PACRG: variants seen among roughly 807,000 people sequenced by gnomAD.
PACRG encodes the protein parkin coregulated.
A neutral mutation model predicts 29.7 loss-of-function variants in PACRG; 29 were observed. The ratio of observed to expected loss-of-function variants is 0.98; its 90% CI spans 0.73 to 1.33. The LOEUF is 1.33. Ranked by LOEUF, PACRG falls within the 40% of genes most tolerant of loss-of-function variation. The probability of loss-of-function intolerance (pLI) is 0.00; values close to 1 mark genes in which losing one functional copy is unlikely to be tolerated. For synonymous variants in PACRG, 116 were observed against 118.7 expected, an observed-to-expected ratio of 0.98 and a Z score of 0.15; for missense variants, 279 against 316.2, an observed-to-expected ratio of 0.88 and a Z score of 0.89.
intron 4 of PACRG, among the ~76,000 whole-genome samples, chr6:163,227,601 C>G (rs556903449): frequency 2.0e-5 from 3 of 152,308 alleles, no homozygotes; most frequent in Admixed American, 2.0e-4. Context: ...GCCTACCCAT[C>G]GTTACAGGAC....
intron 2 of PACRG, among the ~76,000 whole-genome samples, chr6:162,954,363 T>G (rs1331001189): frequency 1.3e-5 from 2 of 152,044 alleles, no homozygotes; most frequent in East Asian, 3.9e-4. Context: ...ACATGGGTAA[T>G]GTATATAAGT....
intron 2 of PACRG, among the ~76,000 whole-genome samples, chr6:163,041,596 T>C (rs1430294690): frequency 6.6e-6 from 1 of 152,128 alleles, no homozygotes; most frequent in Non-Finnish European, 1.5e-5. Flanking sequence ...GAACTGTGAG[T>C]CAGTTAAATC....
intron 4 of PACRG, among the ~76,000 whole-genome samples, chr6:163,186,761 C>A (rs1041669201): frequency 1.3e-5 from 2 of 152,226 alleles, no homozygotes; most frequent in African/African-American, 4.8e-5. Flanking sequence ...TGATGTCATT[C>A]AACCCAGCAT....
chr6:163,253,760 G>GT (rs1308319892), intron 4 of PACRG, among the ~76,000 whole-genome samples: 2 of 152,206 alleles, frequency 1.3e-5, no homozygotes, highest in Non-Finnish European at 2.9e-5. Context: ...CCCTCACCAG[G>GT]TGCCTCCTTG....
chr6:162,727,715 C>T (rs1303413863), upstream of PACRG: 6 of 1,551,660 alleles, frequency 3.9e-6, no homozygotes, highest in East Asian at 9.8e-5. Flanking sequence ...GGCCCATGCG[C>T]GCAGCGGCGC....
At chr6:162,828,028 C>A (rs1029659719) in intron 2 of PACRG, among the ~76,000 whole-genome samples, 1 of 152,014 alleles carries the variant, frequency 6.6e-6, no homozygotes, top group African/African-American at 2.4e-5. Context: ...TGCCTTAGCC[C>A]CTGATACAAC....
intron 4 of PACRG, among the ~76,000 whole-genome samples, chr6:163,224,777 T>TTTG (rs199733214): frequency 5.9e-5 from 9 of 151,494 alleles, no homozygotes; most frequent in South Asian, 2.1e-4. Flanking sequence ...CCTAGGTAGT[T>TTTG]TTGTTGTTGT....
chr6:163,115,312 T>C (rs1815927103), intron 4 of PACRG, among the ~76,000 whole-genome samples: 1 of 152,116 alleles, frequency 6.6e-6, no homozygotes, highest in Non-Finnish European at 1.5e-5. Context: ...GGGAAGGCTT[T>C]CTAGGGGACC....
intron 4 of PACRG, among the ~76,000 whole-genome samples, chr6:163,130,534 A>G (rs1003850861): frequency 1.3e-5 from 2 of 152,178 alleles, no homozygotes; most frequent in Non-Finnish European, 2.9e-5. Context: ...CTTTGGAAGC[A>G]TCTGACCACA....
intron 4 of PACRG, among the ~76,000 whole-genome samples, chr6:163,272,669 G>C (rs972811098): frequency 6.6e-6 from 1 of 152,016 alleles, no homozygotes; most frequent in Admixed American, 6.5e-5. Flanking sequence ...CTTTTGGACT[G>C]AGATAGATGT....
At chr6:162,891,289 G>A (rs1267521704) in intron 2 of PACRG, among the ~76,000 whole-genome samples, 1 of 152,190 alleles carries the variant, frequency 6.6e-6, no homozygotes, top group Non-Finnish European at 1.5e-5. Context: ...CCTTATCCAA[G>A]TGATCTTGAG....
At chr6:163,314,246 G>GCCAGGGCAGCA (rs1355687515) in intron 4 of PACRG, among the ~76,000 whole-genome samples, 4 of 152,208 alleles carry the variant, frequency 2.6e-5, no homozygotes, top group African/African-American at 9.7e-5. Flanking sequence ...TTGAGTGATA[G>GCCAGGGCAGCA]TTCGGGAGCA....
At chr6:163,147,879 C>T (rs973320681) in intron 4 of PACRG, among the ~76,000 whole-genome samples, 1 of 152,142 alleles carries the variant, frequency 6.6e-6, no homozygotes, top group African/African-American at 2.4e-5. Context: ...TCTTTACCAA[C>T]CAGAATAGAA....
At chr6:163,150,340 A>T (rs1778028959) in intron 4 of PACRG, among the ~76,000 whole-genome samples, 1 of 152,106 alleles carries the variant, frequency 6.6e-6, no homozygotes, top group African/African-American at 2.4e-5. Context: ...CACTTGTCAG[A>T]TCCCAGCAGG....
intron 2 of PACRG, among the ~76,000 whole-genome samples, chr6:162,864,511 C>T (rs1792133578): frequency 6.6e-6 from 1 of 152,094 alleles, no homozygotes; most frequent in South Asian, 2.1e-4. Flanking sequence ...GACAGATGTT[C>T]TTTCTTCCTG....
At chr6:163,210,783 A>G (rs1464569373) in intron 4 of PACRG, among the ~76,000 whole-genome samples, 2 of 152,222 alleles carry the variant, frequency 1.3e-5, no homozygotes, top group Admixed American at 1.3e-4. Flanking sequence ...CTTCAGTTCA[A>G]TGGAAGATAT....
At chr6:162,787,906 T>TA (rs1391653292) in intron 1 of PACRG, among the ~76,000 whole-genome samples, 9 of 65,286 alleles carry the variant, frequency 1.4e-4, no homozygotes, top group Non-Finnish European at 3.1e-4. Flanking sequence ...ATAGACTTTA[T>TA]TTTTTAGAGC....
intron 2 of PACRG, among the ~76,000 whole-genome samples, chr6:162,972,396 G>A (rs769811355): frequency 1.3e-5 from 2 of 152,012 alleles, no homozygotes; most frequent in Non-Finnish European, 2.9e-5. Context: ...GATTCTTCTG[G>A]AATTTTTCTT....
chr6:163,024,256 G>T (rs1806902746), intron 2 of PACRG, among the ~76,000 whole-genome samples: 2 of 152,192 alleles, frequency 1.3e-5, no homozygotes, highest in Admixed American at 1.3e-4. Context: ...TATGGTGAAA[G>T]ATAGGGGTCC....
Sources: gnomAD v4.1 joint callset for allele counts (sites outside exome capture counted in the v4.1 genomes callset) on GRCh38, gnomAD v4.1.1 for gene constraint, MANE v1.5 for transcripts, NCBI Gene and HGNC (gene_info 2026-07-23, HGNC 2026-07-21) for gene names.